Variants in SHISA9 observed in about 807,000 individuals in gnomAD.
SHISA9 encodes protein shisa-9.
Under a neutral mutation model 38.0 loss-of-function variants are expected in SHISA9, and 13 were observed. That is an observed-to-expected ratio of 0.34 (90% confidence interval 0.22 to 0.54). The LOEUF is 0.54. Ranked by LOEUF, SHISA9 falls within the 20% of genes least tolerant of loss-of-function variation. The probability of loss-of-function intolerance (pLI) is 0.91; values close to 1 mark genes in which losing one functional copy is unlikely to be tolerated. For synonymous variants in SHISA9, 275 were observed against 242.0 expected (o/e 1.14, Z -1.27); for missense variants, 538 against 575.8 (o/e 0.93, Z 0.67).
chr16:13,262,576 T>C, the SHISA9 span, among the ~76,000 whole-genome samples: 1 of 150,694 alleles, frequency 6.6e-6, no homozygotes, highest in African/African-American at 2.4e-5. Context: ...GAAGGATCAA[T>C]AGAGAACTTC....
the SHISA9 span, among the ~76,000 whole-genome samples, chr16:13,333,844 C>T: frequency 6.6e-6 from 1 of 152,170 alleles, no homozygotes; most frequent in Non-Finnish European, 1.5e-5. Flanking sequence ...GATATAATTT[C>T]TGCTTTATGC....
At chr16:13,348,134 A>C in the SHISA9 span, among the ~76,000 whole-genome samples, 1 of 152,218 alleles carries the variant, frequency 6.6e-6, no homozygotes. Context: ...AATTAATACA[A>C]TAATAACGTT....
At chr16:13,548,887 AG>A in the SHISA9 span, among the ~76,000 whole-genome samples, 2 of 152,192 alleles carry the variant, frequency 1.3e-5, no homozygotes, top group Non-Finnish European at 2.9e-5. Context: ...AATAAAATGA[AG>A]GTATGAAAGA....
chr16:13,055,406 C>T lies in SHISA9; in HGVS notation c.691+138591C>T, dbSNP rs546180737. Among the ~76,000 whole-genome samples, 7 of 152,256 alleles carry T rather than the reference C, an allele frequency of 4.6e-5. No individual in the cohort carries two copies. In the South Asian group the frequency reaches 1.5e-3, roughly 32 times the overall value. On this transcript the variant is annotated intron_variant, in intron 2 of 4. Coordinates refer to ENST00000558583, the MANE Select transcript of SHISA9 (RefSeq NM_001145204.3). ...TTTGCTTCTCACTGTCTCTCTGGTT[C>T]TAGTGCAGGAACTCATGCATAGTAA...
chr16:13,324,292 G>A, the SHISA9 span, among the ~76,000 whole-genome samples: 1 of 152,132 alleles, frequency 6.6e-6, no homozygotes, highest in Non-Finnish European at 1.5e-5. Flanking sequence ...ACCCTTTCGT[G>A]ACCTCTTAGC....
intron 2 of SHISA9, among the ~76,000 whole-genome samples, chr16:13,050,623 C>T (rs111899189): frequency 0.011 from 1,683 of 152,308 alleles, 42 homozygotes; most frequent in African/African-American, 0.038. Flanking sequence ...TGAGCCACCA[C>T]GCCCAGCCAT....
At chr16:12,973,764 T>A (rs1189888114) in intron 2 of SHISA9, among the ~76,000 whole-genome samples, 1 of 152,174 alleles carries the variant, frequency 6.6e-6, no homozygotes. Context: ...ATAGTAGCAC[T>A]GATTTGGGCA....
rs1567184197 is a variant in SHISA9 at position 13,019,935 on chromosome 16, CTTTCTT to C, written c.691+103122_691+103127del. On this transcript the variant is annotated intron_variant, in intron 2 of 4. Transcript: ENST00000558583. ...TCTTTCTTTCTTTCTTTCTTTCTTT[CTTTCTT>C]TCTTTCTTTCTTTCTTTCCCTCCTT... is the stretch of plus-strand genomic sequence containing the variant. Among the ~76,000 whole-genome samples the C allele has an allele frequency of 2.3e-3, 213 of 92,072 alleles. 6 individuals are homozygous for C. The highest frequency in any genetic ancestry group is 3.9e-3 in the Non-Finnish European group (169 of 42,854). The allele number at this position is 92,072 out of a possible 152,430, so 60.4% of individuals were successfully genotyped here.
intron 2 of SHISA9, among the ~76,000 whole-genome samples, chr16:13,005,237 G>T (rs2072583514): frequency 6.6e-6 from 1 of 152,182 alleles, no homozygotes; most frequent in African/African-American, 2.4e-5. Flanking sequence ...CCAAGTCAGT[G>T]TTGGATATAT....
chr16:13,500,209 G>T, the SHISA9 span, among the ~76,000 whole-genome samples: 1 of 152,104 alleles, frequency 6.6e-6, no homozygotes, highest in Non-Finnish European at 1.5e-5. Flanking sequence ...TTCCCCCTTT[G>T]CTGCTCACTT....
chr16:13,066,097 C>G (rs1193358701), intron 2 of SHISA9, among the ~76,000 whole-genome samples: 1 of 152,220 alleles, frequency 6.6e-6, no homozygotes, highest in African/African-American at 2.4e-5. Context: ...GAGATACGAA[C>G]TTTCAGAGCC....
At chr16:13,027,111 C>T (rs899735547) in intron 2 of SHISA9, among the ~76,000 whole-genome samples, 1 of 152,146 alleles carries the variant, frequency 6.6e-6, no homozygotes, top group Non-Finnish European at 1.5e-5. Flanking sequence ...TTTGGGGATC[C>T]CCAAGATTTC....
At chr16:13,475,909 G>A in the SHISA9 span, among the ~76,000 whole-genome samples, 3 of 152,132 alleles carry the variant, frequency 2.0e-5, no homozygotes, top group Non-Finnish European at 4.4e-5. Flanking sequence ...AGAATTGAAT[G>A]TTGCTGCTGA....
chr16:13,520,525 C>T, the SHISA9 span, among the ~76,000 whole-genome samples: 1 of 149,764 alleles, frequency 6.7e-6, no homozygotes, highest in African/African-American at 2.5e-5. Context: ...ATCACTTGAA[C>T]CCGGGAGGTG....
the SHISA9 span, among the ~76,000 whole-genome samples, chr16:13,518,657 C>T: frequency 1.1e-4 from 17 of 152,336 alleles, no homozygotes; most frequent in African/African-American, 4.1e-4. Context: ...GTTCCCCATT[C>T]TACACCCTTC....
At chr16:13,117,552 G>A (rs78019197) in intron 2 of SHISA9, among the ~76,000 whole-genome samples, 4,100 of 152,190 alleles carry the variant, frequency 0.027, 80 homozygotes, top group East Asian at 0.11. Context: ...AAATCTGCTA[G>A]CAATTGTTCT....
intron 2 of SHISA9, among the ~76,000 whole-genome samples, chr16:13,007,693 C>T (rs1014858995): frequency 6.6e-6 from 1 of 152,224 alleles, no homozygotes; most frequent in Non-Finnish European, 1.5e-5. Context: ...TGCAGATCTG[C>T]TCACTGTTCC....
chr16:13,072,000 T>C (rs2141924055), intron 2 of SHISA9, among the ~76,000 whole-genome samples: 1 of 152,300 alleles, frequency 6.6e-6, no homozygotes. Flanking sequence ...GCCTGCCCAC[T>C]GTTGCTCACT....
chr16:13,187,023 G>T (rs897209190), intron 2 of SHISA9, among the ~76,000 whole-genome samples: 2 of 152,158 alleles, frequency 1.3e-5, no homozygotes, highest in Non-Finnish European at 2.9e-5. Context: ...GAAGAGTGCT[G>T]CTGTGAACAC....
Sources: allele counts gnomAD v4.1 joint callset (sites outside exome capture counted in the v4.1 genomes callset), GRCh38; gene constraint gnomAD v4.1.1; transcripts MANE v1.5; gene names NCBI Gene and HGNC (gene_info 2026-07-23, HGNC 2026-07-21).